SLC35D4: variants seen among roughly 807,000 people sequenced by gnomAD.
The protein encoded by SLC35D4 is UDP-N-acetylglucosamine transporter SLC35D4.
chr18:23,288,594 G>C, the SLC35D4 span, among the ~76,000 whole-genome samples: 1 of 151,474 alleles, frequency 6.6e-6, no homozygotes, highest in Non-Finnish European at 1.5e-5. Context: ...TACTCAACAT[G>C]CCCCGAGTCA....
At chr18:23,346,413 C>T in the SLC35D4 span, among the ~76,000 whole-genome samples, 1 of 152,226 alleles carries the variant, frequency 6.6e-6, no homozygotes, top group East Asian at 1.9e-4. Flanking sequence ...AGCCACCACA[C>T]CCTGCCTTCA....
At chr18:23,241,634 T>C in the SLC35D4 span, among the ~76,000 whole-genome samples, 179 of 152,366 alleles carry the variant, frequency 1.2e-3, 1 homozygote, top group African/African-American at 4.1e-3. Flanking sequence ...TGAATGTTCT[T>C]GTGCATGGCT....
the SLC35D4 span, chr18:23,257,433 C>T: frequency 1.3e-6 from 2 of 1,489,010 alleles, no homozygotes; most frequent in Non-Finnish European, 9.0e-7. Flanking sequence ...TTACTTACTA[C>T]TGGAAATGAA....
At chr18:23,267,651 C>T in the SLC35D4 span, among the ~76,000 whole-genome samples, 5 of 152,316 alleles carry the variant, frequency 3.3e-5, no homozygotes, top group Non-Finnish European at 5.9e-5. Context: ...TCCTTCCCTT[C>T]GCCCTGACTC....
the SLC35D4 span, among the ~76,000 whole-genome samples, chr18:23,279,464 G>A: frequency 6.6e-6 from 1 of 152,282 alleles, no homozygotes; most frequent in South Asian, 2.1e-4. Context: ...AAAAATATAT[G>A]CTGGAGTCCT....
chr18:23,412,813 A>C, the SLC35D4 span, among the ~76,000 whole-genome samples: 1 of 152,198 alleles, frequency 6.6e-6, no homozygotes, highest in Non-Finnish European at 1.5e-5. Context: ...TGCTATTTCT[A>C]TGCTCTAACA....
the SLC35D4 span, among the ~76,000 whole-genome samples, chr18:23,290,829 A>C: frequency 6.6e-6 from 1 of 150,564 alleles, no homozygotes; most frequent in Non-Finnish European, 1.5e-5. Flanking sequence ...GTAGAAACAG[A>C]GTTTCAACAC....
chr18:23,361,103 C>CAAAAAAAAAAAAAAAAAAAAAAA, the SLC35D4 span, among the ~76,000 whole-genome samples: 3 of 94,104 alleles, frequency 3.2e-5, no homozygotes, highest in Admixed American at 1.3e-4. Context: ...GACTTTGTCT[C>CAAAAAAAAAAAAAAAAAAAAAAA]AAAAAAAAAA....
At chr18:23,421,148 G>A in the SLC35D4 span, among the ~76,000 whole-genome samples, 5 of 152,236 alleles carry the variant, frequency 3.3e-5, no homozygotes, top group South Asian at 8.3e-4. Context: ...GGAGGCTGAG[G>A]CATGAGAATT....
the SLC35D4 span, among the ~76,000 whole-genome samples, chr18:23,267,109 A>G: frequency 2.0e-5 from 3 of 152,220 alleles, no homozygotes; most frequent in Non-Finnish European, 4.4e-5. Flanking sequence ...CCCCACAGTG[A>G]GAGCTCTAAA....
the SLC35D4 span, among the ~76,000 whole-genome samples, chr18:23,380,426 G>A: frequency 6.6e-6 from 1 of 152,128 alleles, no homozygotes; most frequent in Non-Finnish European, 1.5e-5. Flanking sequence ...TTATCAAACT[G>A]GAAAGTCCCT....
At chr18:23,246,602 A>G in the SLC35D4 span, among the ~76,000 whole-genome samples, 85 of 151,972 alleles carry the variant, frequency 5.6e-4, 1 homozygote, top group East Asian at 1.9e-3. Flanking sequence ...CGTGTTAGCC[A>G]GGATGGTCTC....
chr18:23,264,097 C>T, the SLC35D4 span, among the ~76,000 whole-genome samples: 6 of 152,186 alleles, frequency 3.9e-5, no homozygotes, highest in Non-Finnish European at 8.8e-5. Flanking sequence ...TGGATTGTTC[C>T]CTGCAACTCT....
the SLC35D4 span, among the ~76,000 whole-genome samples, chr18:23,278,842 C>A: frequency 1.2e-4 from 18 of 151,892 alleles, no homozygotes; most frequent in South Asian, 2.3e-3. Context: ...CTCAACTCTA[C>A]TAAAATTAAA....
chr18:23,331,595 T>G, the SLC35D4 span: 1 of 152,632 alleles, frequency 6.6e-6, no homozygotes, highest in South Asian at 2.1e-4. Context: ...ATAAATACCG[T>G]GTAGTGTAGG....
At chr18:23,250,045 C>T in the SLC35D4 span, among the ~76,000 whole-genome samples, 1 of 152,208 alleles carries the variant, frequency 6.6e-6, no homozygotes, top group Admixed American at 6.5e-5. Flanking sequence ...GCAGTGAGAG[C>T]TCTCTTTCAA....
chr18:23,383,316 C>G, the SLC35D4 span, among the ~76,000 whole-genome samples: 7 of 151,140 alleles, frequency 4.6e-5, no homozygotes, highest in Non-Finnish European at 8.8e-5. Context: ...CCTGAAGAGG[C>G]AGACAAAGGA....
the SLC35D4 span, among the ~76,000 whole-genome samples, chr18:23,381,090 A>C: frequency 1.7e-4 from 26 of 152,318 alleles, no homozygotes; most frequent in African/African-American, 6.0e-4. Context: ...AGTCTCATCA[A>C]GAACATATTA....
chr18:23,291,773 G>T, the SLC35D4 span, among the ~76,000 whole-genome samples: 1 of 152,304 alleles, frequency 6.6e-6, no homozygotes, highest in Non-Finnish European at 1.5e-5. Flanking sequence ...CAGGTAAGTC[G>T]CAGAGCCAGC....
Sources: allele counts gnomAD v4.1 joint callset (sites outside exome capture counted in the v4.1 genomes callset), GRCh38; gene constraint gnomAD v4.1.1; transcripts MANE v1.5; gene names NCBI Gene and HGNC (gene_info 2026-07-23, HGNC 2026-07-21).